SLIT2: variants seen among roughly 807,000 people sequenced by gnomAD.
SLIT2 encodes the protein slit guidance ligand 2.
A neutral mutation model predicts 185.7 loss-of-function variants in SLIT2; 41 were observed. The ratio of observed to expected loss-of-function variants is 0.22; its 90% CI spans 0.17 to 0.29. SLIT2 has a LOEUF of 0.29. Among genes scored for constraint, SLIT2 ranks in the 10% least tolerant of loss-of-function variants. The pLI is 1.00. For missense variants in SLIT2, 1,571 were observed against 1,909.0 expected, an observed-to-expected ratio of 0.82 and a Z score of 3.30; for synonymous variants, 693 against 680.2, an observed-to-expected ratio of 1.02 and a Z score of -0.29.
intron 25 of SLIT2, 106 bp from the exon 26 acceptor site, chr4:20,553,699 T>G (rs1425849099): frequency 9.3e-7 from 1 of 1,079,500 alleles, no homozygotes; most frequent in African/African-American, 1.6e-5. Flanking sequence ...TCACTTTGAA[T>G]TCTTTTGCCC....
chr4:20,371,266 A>G lies in SLIT2; in HGVS notation c.396-96486A>G, dbSNP rs148509370. 7.8e-3 allele frequency among the ~76,000 whole-genome samples: 1,189 copies of G among 152,002 alleles called. 6 individuals are homozygous for G. The highest frequency in any genetic ancestry group is 0.027 in the African/African-American group (1,108 of 41,438). On this transcript the variant is annotated intron_variant, in intron 4 of 36. Coordinates refer to ENST00000504154, the MANE Select transcript of SLIT2 (RefSeq NM_004787.4). Reference sequence around the variant, plus strand: ...GTTCTCACACAGTCACTCATACACTAACACACACTGGCCTTGATGCTCACA... The same window carrying G: ...GTTCTCACACAGTCACTCATACACTGACACACACTGGCCTTGATGCTCACA...
intron 34 of SLIT2, chr4:20,614,982 AAC>A (rs1729542023): frequency 6.6e-6 from 1 of 152,182 alleles, no homozygotes; most frequent in African/African-American, 2.4e-5. Context: ...AACAAAAAGG[AAC>A]AGATTTACTA....
At chr4:20,325,731 C>T (rs1719522300) in intron 4 of SLIT2, among the ~76,000 whole-genome samples, 1 of 152,116 alleles carries the variant, frequency 6.6e-6, no homozygotes, top group Admixed American at 6.6e-5. Context: ...CTAGAAAGGA[C>T]ACCATTCCTT....
intron 32 of SLIT2, among the ~76,000 whole-genome samples, chr4:20,597,549 C>T (rs1728085086): frequency 6.6e-6 from 1 of 152,128 alleles, no homozygotes; most frequent in African/African-American, 2.4e-5. Flanking sequence ...CAAATTATGT[C>T]TACATATTTG....
rs796372754 is a variant in SLIT2 at position 20,472,267 on chromosome 4, G to T, written c.467+4444G>T. Among the ~76,000 whole-genome samples the T allele has an allele frequency of 4.8e-3, 144 of 30,056 alleles. 3 individuals are homozygous for T. The highest frequency in any genetic ancestry group is 0.011 in the East Asian group (6 of 542). 19.7% of individuals were successfully genotyped at this position (30,056 alleles called of 152,430 possible). A position where few individuals can be genotyped will look rare whatever the true frequency, so the allele number is the denominator to read the frequency against. ...ATATCTATATATAGATCTATATATA[G>T]ATATATATCTATATATATAGATATA... On this transcript the variant is annotated intron_variant, in intron 5 of 36. Coordinates refer to ENST00000504154, the MANE Select transcript of SLIT2 (RefSeq NM_004787.4).
intron 29 of SLIT2, among the ~76,000 whole-genome samples, chr4:20,586,612 C>T (rs1020202654): frequency 1.3e-5 from 2 of 152,146 alleles, no homozygotes; most frequent in Non-Finnish European, 2.9e-5. Context: ...CATATTTATA[C>T]AGTGTTTAAA....
At chr4:20,564,682 C>G (rs2148909772) in intron 26 of SLIT2, among the ~76,000 whole-genome samples, 1 of 151,948 alleles carries the variant, frequency 6.6e-6, no homozygotes, top group South Asian at 2.1e-4. Flanking sequence ...AGTTGGAACT[C>G]AGTATTTTGC....
chr4:20,362,031 A>G (rs545611008), intron 4 of SLIT2, among the ~76,000 whole-genome samples: 1 of 152,262 alleles, frequency 6.6e-6, no homozygotes, highest in South Asian at 2.1e-4. Context: ...ATTAAGAAAG[A>G]ATTTTCAAAA....
In SLIT2 at chr4:20,414,809, C is replaced by T. The variant is rs542207769; in HGVS notation, c.396-52943C>T. Among the ~76,000 whole-genome samples the T allele has an allele frequency of 5.3e-4, 80 of 152,256 alleles. No homozygotes were observed. The South Asian group carries it at 0.015, about 28-fold the overall frequency. On this transcript the variant is annotated intron_variant, in intron 4 of 36. Transcript: ENST00000504154. The stretch of plus-strand genomic sequence containing the variant: ...ACTGCTTTCAAGAGCCTCTCCTTGC[C>T]TTTGTCTTTCAGCAGATTGTCTATG...
chr4:20,588,381 C>T (rs980779028), intron 29 of SLIT2, among the ~76,000 whole-genome samples: 1 of 152,144 alleles, frequency 6.6e-6, no homozygotes, highest in Non-Finnish European at 1.5e-5. Flanking sequence ...TTTCTACCAA[C>T]TAGCAGTGTA....
rs1406472154 is a variant in SLIT2 at position 20,472,266 on chromosome 4, A to C, written c.467+4443A>C. Among the ~76,000 whole-genome samples, 160 of 50,440 alleles carry C rather than the reference A, an allele frequency of 3.2e-3. 5 individuals are homozygous for C. Among genetic ancestry groups the C allele is most frequent in the East Asian group, 5.4e-3 (5 of 930 alleles). The allele number at this position is 50,440 out of a possible 152,430, so 33.1% of individuals were successfully genotyped here. On this transcript the variant is annotated intron_variant, in intron 5 of 36. Transcript: ENST00000504154. ...TATATCTATATATAGATCTATATATAGATATATATCTATATATATAGATAT... is the reference window on the plus strand; with the variant it reads ...TATATCTATATATAGATCTATATATCGATATATATCTATATATATAGATAT...
At position 20,480,717 on chromosome 4, in the gene SLIT2, C is replaced by G. The variant is rs1364450883; in HGVS notation, c.469C>G (p.Gln157Glu). ...FRGAVDIKNL[Q>E]LDYNQISCIE... is the part of the protein sequence containing the mutation. The stretch of plus-strand genomic sequence containing the variant: ...ATATTCTTCTAATCTTTTTAACAGG[C>G]AACTGGATTACAACCAGATCAGCTG... The change falls in exon 6 of 37, where the codon CAA (glutamine) becomes GAA (glutamate). Residue 157 changes from glutamine to glutamate, a missense_variant and splice_region_variant. By Grantham distance (29) the Gln-to-Glu change is conservative. This residue lies in a region of SLIT2 where 1,202 missense variants were observed against 1,416.4 expected (regional missense o/e 0.85). Transcript: ENST00000504154. 1.2e-6 allele frequency: 2 copies of G among 1,611,738 alleles called. No individual in the cohort carries two copies. Among genetic ancestry groups the G allele is most frequent in the African/African-American group, 2.7e-5 (2 of 74,834 alleles).
chr4:20,357,391 A>T lies in SLIT2; in HGVS notation c.395+88510A>T, dbSNP rs566004075. Among the ~76,000 whole-genome samples the T allele has an allele frequency of 5.1e-4, 77 of 152,300 alleles. No individual in the cohort carries two copies. The South Asian group carries it at 0.015, about 29-fold the overall frequency. On this transcript the variant is annotated intron_variant, in intron 4 of 36. Coordinates refer to ENST00000504154, the MANE Select transcript of SLIT2 (RefSeq NM_004787.4). ...TGATAGTATCAATACAGTTGATTTT[A>T]CTTGTCTCTGCTATTTTCTCTTTTC...
chr4:20,502,345 T>C (rs1389920166), intron 9 of SLIT2, among the ~76,000 whole-genome samples: 3 of 152,200 alleles, frequency 2.0e-5, no homozygotes, highest in Non-Finnish European at 4.4e-5. Flanking sequence ...AAGAAGCACA[T>C]GCAGAAAAGT....
intron 4 of SLIT2, among the ~76,000 whole-genome samples, chr4:20,339,358 G>A (rs1019097328): frequency 7.2e-5 from 11 of 151,840 alleles, no homozygotes; most frequent in Admixed American, 2.0e-4. Flanking sequence ...TCTTAGTGCC[G>A]GGGTGTACAC....
intron 4 of SLIT2, among the ~76,000 whole-genome samples, chr4:20,394,267 G>C (rs549392505): frequency 6.6e-6 from 1 of 151,916 alleles, no homozygotes; most frequent in South Asian, 2.1e-4. Context: ...CTTGAAAATT[G>C]GTATCGCATA....
chr4:20,436,855 CT>C lies in SLIT2; in HGVS notation c.396-30893del, dbSNP rs1035250949. 7.2e-5 allele frequency among the ~76,000 whole-genome samples: 11 copies of C among 152,184 alleles called. 1 individual carries two copies. The highest frequency in any genetic ancestry group is 5.9e-4 in the Admixed American group (9 of 15,278). ...AGGGGCAAGATAATTTTGTTGCACT[CT>C]TTTGGTCATGATCAATAATACTTAA... On this transcript the variant is annotated intron_variant, in intron 4 of 36. Coordinates refer to ENST00000504154, the MANE Select transcript of SLIT2 (RefSeq NM_004787.4).
intron 29 of SLIT2, among the ~76,000 whole-genome samples, chr4:20,572,714 T>C (rs534737704): frequency 6.6e-6 from 1 of 152,312 alleles, no homozygotes; most frequent in South Asian, 2.1e-4. Context: ...GTATCAAGAC[T>C]GTGTGTCTTA....
chr4:20,478,503 G>T (rs573569242), intron 5 of SLIT2, among the ~76,000 whole-genome samples: 2 of 152,200 alleles, frequency 1.3e-5, no homozygotes, highest in Non-Finnish European at 2.9e-5. Context: ...GTAGGACAAG[G>T]TTTGCTTGAG....
Sources: allele counts gnomAD v4.1 joint callset (sites outside exome capture counted in the v4.1 genomes callset), GRCh38; gene constraint gnomAD v4.1.1; regional missense constraint gnomAD v4.1.1; transcripts MANE v1.5; gene names NCBI Gene and HGNC (gene_info 2026-07-23, HGNC 2026-07-21).